OPN3: variants seen among roughly 807,000 people sequenced by gnomAD.
The protein encoded by OPN3 is opsin 3.
Under a neutral mutation model 33.8 loss-of-function variants are expected in OPN3, and 29 were observed. The observed-to-expected ratio is 0.86, with a 90% confidence interval of 0.64 to 1.17. OPN3 has a LOEUF of 1.17. Among genes scored for constraint, OPN3 ranks in the 50% most tolerant of loss-of-function variants. The pLI is 0.00. For synonymous variants in OPN3, 216 were observed against 216.1 expected, an observed-to-expected ratio of 1.00 and a Z score of 0.00; for missense variants, 437 against 514.1, an observed-to-expected ratio of 0.85 and a Z score of 1.45.
chr1:241,628,338 T>C (rs1664482774), intron 1 of OPN3, among the ~76,000 whole-genome samples: 2 of 152,202 alleles, frequency 1.3e-5, no homozygotes, highest in Non-Finnish European at 2.9e-5. Context: ...TTTGTATCTC[T>C]AATTTCCCAG....
chr1:241,614,977 T>G (rs1478949882), intron 1 of OPN3, among the ~76,000 whole-genome samples: 1 of 152,322 alleles, frequency 6.6e-6, no homozygotes, highest in East Asian at 1.9e-4. Context: ...TAGGACCTCA[T>G]TAGAACTTTT....
At chr1:241,637,827 C>T (rs531009738) in intron 1 of OPN3, among the ~76,000 whole-genome samples, 1 of 152,330 alleles carries the variant, frequency 6.6e-6, no homozygotes, top group Admixed American at 6.5e-5. Flanking sequence ...CTTGTGCCAT[C>T]AGACCAATGG....
chr1:241,610,464 G>C (rs2148006253), intron 1 of OPN3, among the ~76,000 whole-genome samples: 1 of 152,264 alleles, frequency 6.6e-6, no homozygotes, highest in South Asian at 2.1e-4. Context: ...CAAGAGTGAG[G>C]ATATTTCAAG....
At chr1:241,634,931 G>T in intron 1 of OPN3, 1 of 1,612,826 alleles carries the variant, frequency 6.2e-7, no homozygotes, top group Non-Finnish European at 8.5e-7. Flanking sequence ...ATCTGCTCTG[G>T]AACAAGGAAC....
chr1:241,629,997 C>G (rs1255115310), intron 1 of OPN3: 2 of 152,074 alleles, frequency 1.3e-5, no homozygotes, highest in Non-Finnish European at 2.9e-5. Flanking sequence ...ATATTCCACA[C>G]AGCAACCAGT....
chr1:241,619,398 T>C (rs1456298763), intron 1 of OPN3, among the ~76,000 whole-genome samples: 1 of 152,210 alleles, frequency 6.6e-6, no homozygotes, highest in Non-Finnish European at 1.5e-5. Flanking sequence ...AGGGCATCTT[T>C]TCTAGCTTAT....
intron 1 of OPN3, chr1:241,635,282 T>A: frequency 6.2e-7 from 1 of 1,614,024 alleles, no homozygotes; most frequent in Non-Finnish European, 8.5e-7. Context: ...AATCTCTGTA[T>A]CACTTTTCTG....
chr1:241,609,689 T>C (rs1045739046), intron 1 of OPN3, among the ~76,000 whole-genome samples: 4 of 152,242 alleles, frequency 2.6e-5, no homozygotes, highest in Admixed American at 1.3e-4. Context: ...CCCAGTGGAC[T>C]ACTGGCTTCA....
intron 3 of OPN3, 133 bp downstream of exon 3, chr1:241,597,613 T>A: frequency 2.5e-6 from 2 of 786,980 alleles, no homozygotes; most frequent in Non-Finnish European, 1.9e-6. Context: ...TTCTTCCAGA[T>A]CCCTTTAATT....
intron 1 of OPN3, chr1:241,634,439 T>C: frequency 6.2e-7 from 1 of 1,613,778 alleles, no homozygotes; most frequent in South Asian, 1.1e-5. Flanking sequence ...GCATGTTTCC[T>C]CAGAAAGGTA....
intron 1 of OPN3, among the ~76,000 whole-genome samples, chr1:241,625,726 T>C (rs566372771): frequency 2.0e-4 from 31 of 152,344 alleles, no homozygotes; most frequent in Non-Finnish European, 4.0e-4. Context: ...AATGACCCTG[T>C]TGAAGAAGCA....
chr1:241,640,197 C>A lies in OPN3; in HGVS notation c.58G>T (p.Gly20Cys). Residue 20 changes from glycine to cysteine, a missense_variant, in exon 1 of 4, where the codon GGC becomes TGC. By Grantham distance (159) the Gly-to-Cys change is radical. Coordinates refer to ENST00000366554, the MANE Select transcript of OPN3 (RefSeq NM_014322.3). ...HGYWDGGGAA[G>C]AEGPAPAGTL... ...CCCGCCGGCGCCGGCCCCTCAGCGC[C>A]CGCGGCCCCGCCGCCGTCCCAGTAG... is the stretch of plus-strand genomic sequence containing the variant. The A allele has an allele frequency of 7.3e-7, 1 of 1,369,852 alleles. No individual in the cohort carries two copies. Among genetic ancestry groups the A allele is most frequent in the Non-Finnish European group, 9.4e-7 (1 of 1,068,032 alleles). The allele number at this position is 1,369,852 out of a possible 1,614,324, so 84.9% of individuals were successfully genotyped here. A position where few individuals can be genotyped will look rare whatever the true frequency, so the allele number is the denominator to read the frequency against.
At chr1:241,608,019 GA>G (rs1663888427) in intron 1 of OPN3, among the ~76,000 whole-genome samples, 1 of 151,950 alleles carries the variant, frequency 6.6e-6, no homozygotes, top group South Asian at 2.1e-4. Flanking sequence ...AAAACCTAAA[GA>G]AAATGACATA....
At chr1:241,603,219 T>A (rs1280777740) in intron 2 of OPN3, among the ~76,000 whole-genome samples, 1 of 151,812 alleles carries the variant, frequency 6.6e-6, no homozygotes, top group African/African-American at 2.4e-5. Flanking sequence ...GAAGAGAGAG[T>A]CCTAAGAATC....
chr1:241,628,178 T>C (rs1664477401), intron 1 of OPN3, among the ~76,000 whole-genome samples: 1 of 152,182 alleles, frequency 6.6e-6, no homozygotes, highest in Non-Finnish European at 1.5e-5. Flanking sequence ...ACTTCTGTTT[T>C]GTTTTTTCTT....
chr1:241,627,982 T>C (rs1664471094), intron 1 of OPN3, among the ~76,000 whole-genome samples: 2 of 152,172 alleles, frequency 1.3e-5, no homozygotes, highest in South Asian at 4.1e-4. Flanking sequence ...AGAGCTCCTC[T>C]TGGCTCCTTC....
intron 1 of OPN3, chr1:241,635,413 A>C (rs1354370139): frequency 1.2e-6 from 2 of 1,613,932 alleles, no homozygotes; most frequent in African/African-American, 1.3e-5. Context: ...TTTTCTGCAG[A>C]GCACCAATCT....
At position 241,604,220 on chromosome 1, in the gene OPN3, A is replaced by G. The variant is rs140858921; in HGVS notation, c.693+40T>C. 652 of 1,565,530 alleles carry G rather than the reference A, an allele frequency of 4.2e-4. 9 individuals are homozygous for G. The East Asian group carries it at 0.013, about 31-fold the overall frequency. ...TTCCAGACAAAATTTTCTACCCTGG[A>G]TGTGGTTTGGGAGGGGGGCATCTGT... On this transcript the variant is annotated intron_variant, in intron 2 of 3. Transcript: ENST00000366554.
At position 241,640,263 on chromosome 1, in the gene OPN3, G is replaced by C; in HGVS notation, c.-9C>G. Reference sequence around the variant, plus strand: ...CGGTTCCCCGAGTACATGGCCCGGCGCCGGCGCGCCTGGCGGGCGGAGGCG... The same window carrying C: ...CGGTTCCCCGAGTACATGGCCCGGCCCCGGCGCGCCTGGCGGGCGGAGGCG... On this transcript the variant is annotated 5_prime_UTR_variant, in exon 1 of 4. Transcript: ENST00000366554. 2.5e-6 allele frequency: 3 copies of C among 1,197,202 alleles called. No homozygotes were observed. The allele number at this position is 1,197,202 out of a possible 1,614,324, so 74.2% of individuals were successfully genotyped here.
Sources: allele counts gnomAD v4.1 joint callset (sites outside exome capture counted in the v4.1 genomes callset), GRCh38; gene constraint gnomAD v4.1.1; transcripts MANE v1.5; gene names NCBI Gene and HGNC (gene_info 2026-07-23, HGNC 2026-07-21).